The following APBB2 variants were observed in gnomAD, a reference collection of about 807,000 sequenced individuals.
The protein encoded by APBB2 is amyloid beta precursor protein binding family B member 2, also known as Fe65-like 1.
A neutral mutation model predicts 82.5 loss-of-function variants in APBB2; 38 were observed. The observed-to-expected ratio is 0.46, with a 90% confidence interval of 0.36 to 0.60. The LOEUF (loss-of-function observed/expected upper bound fraction) is 0.60, where lower values mean the gene tolerates loss of function less well. Among genes scored for constraint, APBB2 ranks in the 20% least tolerant of loss-of-function variants. The pLI is 0.00. For synonymous variants in APBB2, 341 were observed against 368.2 expected (o/e 0.93, Z 0.85); for missense variants, 772 against 972.3 (o/e 0.79, Z 2.74).
chr4:40,924,480 C>A (rs546788257), intron 10 of APBB2, among the ~76,000 whole-genome samples: 3 of 152,302 alleles, frequency 2.0e-5, no homozygotes, highest in Middle Eastern at 3.4e-3. Context: ...AAGTGACATG[C>A]TGCCATTGCC....
Position 41,013,937 on chromosome 4 carries a change from A to G in APBB2, c.481T>C (p.Phe161Leu), listed in dbSNP as rs1393696514. The change falls in exon 6 of 18, where the codon TTC becomes CTC. Residue 161 changes from phenylalanine (F) to leucine (L), a missense_variant. Coordinates refer to ENST00000508593, the MANE Select transcript of APBB2 (RefSeq NM_004307.2). Reference sequence around the variant, plus strand: ...TCCAGATCTGCATAGTAATTTAGGAAGCTCTTAGTTCTCCTGGGCTGGGAG... The same window carrying G: ...TCCAGATCTGCATAGTAATTTAGGAGGCTCTTAGTTCTCCTGGGCTGGGAG... Reference protein sequence around the residue: ...LPSQPRRTKSFLNYYADLETS... With the variant: ...LPSQPRRTKSLLNYYADLETS... 1.2e-6 allele frequency: 2 copies of G among 1,614,130 alleles called. No individual in the cohort carries two copies. Among genetic ancestry groups the G allele is most frequent in the East Asian group, 2.2e-5 (1 of 44,872 alleles).
intron 1 of APBB2, among the ~76,000 whole-genome samples, chr4:41,183,610 A>G (rs1302902053): frequency 6.6e-6 from 1 of 152,136 alleles, no homozygotes; most frequent in Non-Finnish European, 1.5e-5. Flanking sequence ...GGAATGCCAC[A>G]TATTGCCAGG....
chr4:40,844,990 A>G (rs1279109888), intron 12 of APBB2, among the ~76,000 whole-genome samples: 9 of 152,240 alleles, frequency 5.9e-5, no homozygotes, highest in Admixed American at 5.9e-4. Flanking sequence ...GTAGTCTTGG[A>G]TATTTTAAAT....
In APBB2 at chr4:41,127,011, A is replaced by T. The variant is rs1754597831; in HGVS notation, c.-261+15976T>A. ...AGTCCATAACACTGTTGGAATCACT[A>T]ACATGGCAAGGTTCTATTTCCATTT... On this transcript the variant is annotated intron_variant, in intron 2 of 17. Coordinates refer to ENST00000508593, the MANE Select transcript of APBB2 (RefSeq NM_004307.2). The surrounding 1 kb of genome is among the most constrained non-coding windows in gnomAD (Gnocchi z 4.8). Among the ~76,000 whole-genome samples the T allele has an allele frequency of 6.6e-6, 1 of 152,198 alleles. No individual in the cohort carries two copies. Among genetic ancestry groups the T allele is most frequent in the Non-Finnish European group, 1.5e-5 (1 of 68,034 alleles).
intron 7 of APBB2, among the ~76,000 whole-genome samples, chr4:40,941,694 A>T (rs1188503770): frequency 6.6e-6 from 1 of 152,198 alleles, no homozygotes; most frequent in Non-Finnish European, 1.5e-5. Flanking sequence ...CTATGGTGTG[A>T]TCATAGCTCA....
chr4:41,149,019 T>C (rs146844158), intron 1 of APBB2, among the ~76,000 whole-genome samples: 1 of 152,350 alleles, frequency 6.6e-6, no homozygotes, highest in Admixed American at 6.5e-5. Context: ...GATCCGTATA[T>C]AGTAAAATAT....
intron 1 of APBB2, among the ~76,000 whole-genome samples, chr4:41,158,153 A>G (rs1763954621): frequency 1.3e-5 from 2 of 152,148 alleles, no homozygotes; most frequent in African/African-American, 4.8e-5. Context: ...CACACTCTCC[A>G]AGCTGTGTGG....
At chr4:40,857,031 CCTCCCGGTCCTT>C in intron 12 of APBB2, 2 of 985,590 alleles carry the variant, frequency 2.0e-6, no homozygotes, top group Non-Finnish European at 2.4e-6. Flanking sequence ...CTCACCTTTG[CCTCCCGGTCCTT>C]CCGAAGTCGG....
chr4:40,881,801 T>A (rs1038516123), intron 12 of APBB2, among the ~76,000 whole-genome samples: 6 of 152,086 alleles, frequency 3.9e-5, no homozygotes, highest in African/African-American at 9.7e-5. Flanking sequence ...CCCAAAGTGC[T>A]GGGATTACAG....
At chr4:41,098,771 C>T (rs1286206320) in intron 3 of APBB2, among the ~76,000 whole-genome samples, 1 of 152,174 alleles carries the variant, frequency 6.6e-6, no homozygotes, top group African/African-American at 2.4e-5. Context: ...AAGTAGCTTA[C>T]TTTCTGAAGC....
chr4:41,010,948 C>CT (rs1231449860), intron 6 of APBB2, among the ~76,000 whole-genome samples: 14 of 152,082 alleles, frequency 9.2e-5, no homozygotes, highest in Admixed American at 7.2e-4. Flanking sequence ...AATTTTGTTT[C>CT]TTTTTTTATC....
At chr4:40,854,192 C>A (rs756303149) in intron 12 of APBB2, among the ~76,000 whole-genome samples, 27 of 152,166 alleles carry the variant, frequency 1.8e-4, no homozygotes, top group Middle Eastern at 3.2e-3. Flanking sequence ...TGGAGGGCAT[C>A]CTATACTAGG....
chr4:40,926,641 A>C (rs1442131324), intron 10 of APBB2, among the ~76,000 whole-genome samples: 1 of 152,168 alleles, frequency 6.6e-6, no homozygotes, highest in Non-Finnish European at 1.5e-5. Flanking sequence ...TAGTAGGTAC[A>C]AGAGTTCCGT....
rs534184023 is a variant in APBB2, at chr4:41,010,284, T to G, written c.835+3299A>C. Among the ~76,000 whole-genome samples the G allele has an allele frequency of 4.6e-5, 7 of 152,328 alleles. No individual in the cohort carries two copies. The East Asian group carries it at 7.7e-4, about 17-fold the overall frequency. The stretch of plus-strand genomic sequence containing the variant: ...AGCTAATACATTTTTTCGAGCATAT[T>G]TGATTTGAAATACCTATCCTCAGCA... On this transcript the variant is annotated intron_variant, in intron 6 of 17. Coordinates refer to ENST00000508593, the MANE Select transcript of APBB2 (RefSeq NM_004307.2).
At chr4:41,133,243 T>C (rs942755149) in intron 2 of APBB2, among the ~76,000 whole-genome samples, 1 of 152,246 alleles carries the variant, frequency 6.6e-6, no homozygotes, top group Admixed American at 6.5e-5. Context: ...CATATAAATA[T>C]CTTGGCATAG....
intron 1 of APBB2, among the ~76,000 whole-genome samples, chr4:41,167,808 T>C (rs1017554579): frequency 6.6e-6 from 1 of 152,126 alleles, no homozygotes; most frequent in Non-Finnish European, 1.5e-5. Flanking sequence ...TTTCCCTAGA[T>C]GAGAACAAAG....
chr4:41,191,263 T>C (rs188900441), intron 1 of APBB2, among the ~76,000 whole-genome samples: 3 of 152,348 alleles, frequency 2.0e-5, no homozygotes, highest in Admixed American at 2.0e-4. Flanking sequence ...TCTCTCCCCC[T>C]TATTAATGCC....
chr4:40,982,387 G>GAAGGAAGGGAAGGGAAAGGAAAGGA (rs1560448982), intron 6 of APBB2, among the ~76,000 whole-genome samples: 1 of 11,008 alleles, frequency 9.1e-5, no homozygotes, highest in African/African-American at 2.6e-4. Flanking sequence ...AGGAAGGAAG[G>GAAGGAAGGGAAGGGAAAGGAAAGGA]AAGGAAAGGA....
At chr4:40,866,400 T>G (rs767600848) in intron 12 of APBB2, among the ~76,000 whole-genome samples, 1 of 152,094 alleles carries the variant, frequency 6.6e-6, no homozygotes, top group African/African-American at 2.4e-5. Context: ...AAGCAGGAGC[T>G]TACCCGATGA....
Sources: gnomAD v4.1 joint callset for allele counts (sites outside exome capture counted in the v4.1 genomes callset) on GRCh38, gnomAD v4.1.1 for gene constraint, Gnocchi (gnomAD v3.1) non-coding constraint, MANE v1.5 for transcripts, NCBI Gene and HGNC (gene_info 2026-07-23, HGNC 2026-07-21) for gene names.